APEH: variants seen among roughly 807,000 people sequenced by gnomAD.
APEH encodes the protein acylamino-acid-releasing enzyme.
APEH carries 75 observed loss-of-function variants against 102.7 expected under a neutral mutation model. The ratio of observed to expected loss-of-function variants is 0.73; its 90% CI spans 0.61 to 0.89. The LOEUF (loss-of-function observed/expected upper bound fraction) is 0.89, where lower values mean the gene tolerates loss of function less well. Ranked by LOEUF, APEH falls within the 40% of genes least tolerant of loss-of-function variation. The pLI is 0.00. For synonymous variants in APEH, 344 were observed against 362.7 expected (o/e 0.95, Z 0.59); for missense variants, 863 against 941.2 (o/e 0.92, Z 1.09).
At position 49,682,942 on chromosome 3, in the gene APEH, T is replaced by G. The variant is rs2053415410; in HGVS notation, c.1983T>G (p.Pro661=). ...MLDKSPIRYI[P]QVKTPLLLML... is the part of the protein sequence containing the mutation. The stretch of plus-strand genomic sequence containing the variant: ...ACAAATCGCCCATCAGATACATCCC[T>G]CAGGTATGCAGCCCCCTCCTTGCCC... The change falls in exon 20 of 22, where the codon CCT becomes CCG. Residue 661 remains proline (P), a synonymous_variant. Transcript: ENST00000296456. 1 of 1,613,642 alleles carries G rather than the reference T, an allele frequency of 6.2e-7. No individual in the cohort carries two copies. The highest frequency in any genetic ancestry group is 2.2e-5 in the East Asian group (1 of 44,874).
chr3:49,681,120 C>T lies in APEH; in HGVS notation c.1319C>T (p.Ser440Phe), dbSNP rs775583716. ...PPTLKVGFLP[S>F]AGKEQSVLWV... is the part of the protein sequence containing the mutation. ...TGGCAGAAAGTTGGGTTCCTGCCTT[C>T]TGCAGGGAAGGAGCAGTCAGTGTTG... The change falls in exon 15 of 22, where the codon TCT (serine) becomes TTT (phenylalanine). Residue 440 changes from serine (S) to phenylalanine (F), a missense_variant. Physicochemically the swap from Ser to Phe is radical, Grantham distance 155. Transcript: ENST00000296456. The T allele has an allele frequency of 1.9e-6, 3 of 1,595,168 alleles. No homozygotes were observed. Among genetic ancestry groups the T allele is most frequent in the Non-Finnish European group, 1.7e-6 (2 of 1,170,192 alleles).
In APEH at chr3:49,675,308, G is replaced by T; in HGVS notation, c.271G>T (p.Glu91Ter). The T allele has an allele frequency of 1.2e-6, 2 of 1,613,640 alleles. No homozygotes were observed. Among genetic ancestry groups the T allele is most frequent in the Non-Finnish European group, 1.7e-6 (2 of 1,179,828 alleles). Residue 91 changes from glutamate (E) to a stop codon, truncating the protein, a stop_gained and splice_region_variant, in exon 3 of 22, where the codon GAA becomes TAA. Transcript: ENST00000296456. LOFTEE classifies it high-confidence loss of function. The part of the protein sequence containing the change: ...PAGNSVETRG[E>*]LLSRESPSGT... ...AGGCAACAGTGTGGAGACCCGGGGG[G>T]AGTAAGTTTGAGGGAGGAAGCTTGT... is the stretch of plus-strand genomic sequence containing the variant.
Position 49,683,065 on chromosome 3 carries a change from T to C in APEH, c.2012T>C (p.Leu671Ser). 1 of 1,614,086 alleles carries C rather than the reference T, an allele frequency of 6.2e-7. No individual in the cohort carries two copies. Residue 671 changes from leucine (L) to serine (S), a missense_variant, in exon 21 of 22, where the codon TTG becomes TCG. Leu to Ser is a moderately radical substitution (Grantham distance 145, BLOSUM62 -2). Coordinates refer to ENST00000296456, the MANE Select transcript of APEH (RefSeq NM_001640.4). ...PQVKTPLLLM[L>S]GQEDRRVPFK... ...GTGAAGACACCACTGTTACTGATGT[T>C]GGGCCAGGAGGACCGGCGTGTGCCC...
At position 49,682,673 on chromosome 3, in the gene APEH, G is replaced by A. The variant is rs1294458238; in HGVS notation, c.1820G>A (p.Cys607Tyr). 1 of 1,614,000 alleles carries A rather than the reference G, an allele frequency of 6.2e-7. No individual in the cohort carries two copies. The highest frequency in any genetic ancestry group is 1.7e-5 in the Admixed American group (1 of 60,024). Residue 607 changes from cysteine to tyrosine, a missense_variant, in exon 19 of 22, where the codon TGC becomes TAC. By Grantham distance (194) the Cys-to-Tyr change is radical (BLOSUM62 -2). Transcript: ENST00000296456. ...CAGTACCCAGAGACCTACAGGGCCT[G>A]CGTGGCCCGGAACCCCGTGATCAAC... ...IGQYPETYRA[C>Y]VARNPVINIA...
chr3:49,678,514 T>C (rs984783528), intron 11 of APEH, among the ~76,000 whole-genome samples: 6 of 152,168 alleles, frequency 3.9e-5, no homozygotes, highest in African/African-American at 1.4e-4. Context: ...GACGGACAGA[T>C]GATATCTTGG....
At position 49,676,228 on chromosome 3, in the gene APEH, G is replaced by A. The variant is rs779408033; in HGVS notation, c.606+9G>A. The A allele has an allele frequency of 1.4e-5, 23 of 1,613,370 alleles. No homozygotes were observed. Among genetic ancestry groups the A allele is most frequent in the Non-Finnish European group, 1.9e-5 (23 of 1,179,688 alleles). On this transcript the variant is annotated intron_variant, in intron 6 of 21. Transcript: ENST00000296456. ...CAGACCAAGCCATCAAGGTGCTCGT[G>A]GTCAATCCACGAAGGCCCGGCAGGG... is the stretch of plus-strand genomic sequence containing the variant.
rs1483380880 is a variant in APEH at position 49,677,595 on chromosome 3, C to T, written c.1022C>T (p.Thr341Ile). The change falls in exon 11 of 22, where the codon ACC becomes ATC. Residue 341 changes from threonine (T) to isoleucine (I), a missense_variant. By Grantham distance (89) the Thr-to-Ile change is moderately conservative. Transcript: ENST00000296456. ...LCLYDWYTKV[T>I]SVVVDVVPRQ... ...CAGTATGACTGGTATACCAAGGTTA[C>T]CTCAGTGGTGGTAGATGTTGTGCCT... 1.2e-6 allele frequency: 2 copies of T among 1,613,868 alleles called. No individual in the cohort carries two copies. The highest frequency in any genetic ancestry group is 1.7e-6 in the Non-Finnish European group (2 of 1,179,896).
intron 11 of APEH, among the ~76,000 whole-genome samples, chr3:49,678,355 C>A (rs536770704): frequency 6.6e-6 from 1 of 152,294 alleles, no homozygotes; most frequent in East Asian, 1.9e-4. Context: ...GTCCTGGCCT[C>A]CCTGAGCTCC....
intron 17 of APEH, among the ~76,000 whole-genome samples, 170 bp from the exon 18 acceptor site, chr3:49,682,178 C>T (rs1451593443): frequency 2.0e-5 from 3 of 152,264 alleles, no homozygotes; most frequent in Non-Finnish European, 2.9e-5. Context: ...AAGGAAAGGG[C>T]GCTGTGGTCA....
Position 49,682,415 on chromosome 3 carries a change from C to T in APEH, c.1671C>T (p.His557=), listed in dbSNP as rs757130027. The T allele has an allele frequency of 1.9e-6, 3 of 1,614,048 alleles. No individual in the cohort carries two copies. ...SILSLPGNVG[H]QDVKDVQFAV... is the part of the protein sequence containing the mutation. ...TCTCCCTCCCAGGCAATGTGGGCCA[C>T]CAGGATGTGAAGGATGTCCAGGTAG... The change falls in exon 18 of 22, where the codon CAC becomes CAT. Residue 557 remains histidine (H), a synonymous_variant. Transcript: ENST00000296456.
upstream of APEH, chr3:49,674,343 GAA>G: frequency 6.5e-7 from 1 of 1,529,726 alleles, no homozygotes; most frequent in African/African-American, 1.4e-5. Context: ...TCCGCCCCCG[GAA>G]GCCTCACTTC....
rs1168758406 is a variant in APEH, at chr3:49,683,534, C to T, written c.*192C>T. On this transcript the variant is annotated 3_prime_UTR_variant, in exon 22 of 22. Coordinates refer to ENST00000296456, the MANE Select transcript of APEH (RefSeq NM_001640.4). ...GTTCCTGCTGGTACTTTGTACCAAA[C>T]CATCCCCAACCCCACCTCCCACTCT... 6 of 582,746 alleles carry T rather than the reference C, an allele frequency of 1.0e-5. No individual in the cohort carries two copies. The highest frequency in any genetic ancestry group is 1.9e-5 in the African/African-American group (1 of 53,450). The allele number at this position is 582,746 out of a possible 1,614,324, so 36.1% of individuals were successfully genotyped here. A position where few individuals can be genotyped will look rare whatever the true frequency, so the allele number is the denominator to read the frequency against.
At position 49,676,160 on chromosome 3, in the gene APEH, G is replaced by A; in HGVS notation, c.547G>A (p.Asp183Asn). 1 of 1,614,196 alleles carries A rather than the reference G, an allele frequency of 6.2e-7. No individual in the cohort carries two copies. Among genetic ancestry groups the A allele is most frequent in the African/African-American group, 1.3e-5 (1 of 75,072 alleles). Residue 183 changes from aspartate (D) to asparagine (N), a missense_variant, in exon 6 of 22, where the codon GAC becomes AAC. Coordinates refer to ENST00000296456, the MANE Select transcript of APEH (RefSeq NM_001640.4). ...AESFFQTKAL[D>N]VSASDDEIAR... is the part of the protein sequence containing the mutation. Reference sequence around the variant, plus strand: ...GTCCTTCTTTCAGACCAAAGCCTTGGACGTCAGTGCCAGCGATGATGAGAT... The same window carrying A: ...GTCCTTCTTTCAGACCAAAGCCTTGAACGTCAGTGCCAGCGATGATGAGAT...
intron 17 of APEH, 51 bp from the exon 18 acceptor site, chr3:49,682,297 G>C (rs1559640082): frequency 2.0e-6 from 3 of 1,521,946 alleles, no homozygotes; most frequent in Non-Finnish European, 2.7e-6. Context: ...GAGCGTCGAG[G>C]GGGCTGGGAA....
chr3:49,680,766 T>TGGTCCATGAGGGTTTGGCAC (rs2053282268), intron 14 of APEH, 137 bp downstream of exon 14: 2 of 819,816 alleles, frequency 2.4e-6, no homozygotes, highest in Non-Finnish European at 3.9e-6. Context: ...CAGCTTGGCA[T>TGGTCCATGAGGGTTTGGCAC]GGTCCATGAG....
rs1198956597 is a variant in APEH at position 49,676,699 on chromosome 3, A to G, written c.835A>G (p.Arg279Gly). 6.2e-7 allele frequency: 1 copy of G among 1,614,220 alleles called. No homozygotes were observed. Among genetic ancestry groups the G allele is most frequent in the African/African-American group, 1.3e-5 (1 of 75,060 alleles). ...GGGCATCCGCTTTTGCACCAATCGCAGGTGAGGGAGTGGGGCAAGGCAAGG... is the reference window on the plus strand; with the variant it reads ...GGGCATCCGCTTTTGCACCAATCGCGGGTGAGGGAGTGGGGCAAGGCAAGG... ...RLGIRFCTNRRSALYYVDLIG... is the reference protein window; with the variant it reads ...RLGIRFCTNRGSALYYVDLIG... The change falls in exon 8 of 22, where the codon AGG (arginine) becomes GGG (glycine). Residue 279 changes from arginine to glycine, a missense_variant and splice_region_variant. By Grantham distance (125) the Arg-to-Gly change is moderately radical. Coordinates refer to ENST00000296456, the MANE Select transcript of APEH (RefSeq NM_001640.4).
Position 49,676,108 on chromosome 3 carries a change from G to A in APEH, c.495G>A (p.Val165=). The A allele has an allele frequency of 6.2e-7, 1 of 1,614,234 alleles. No homozygotes were observed. Among genetic ancestry groups the A allele is most frequent in the South Asian group, 1.1e-5 (1 of 91,088 alleles). Residue 165 remains valine, a synonymous_variant, in exon 6 of 22, where the codon GTG becomes GTA. Coordinates refer to ENST00000296456, the MANE Select transcript of APEH (RefSeq NM_001640.4). ...WSHSETHLLY[V]AEKKRPKAES... is the part of the protein sequence containing the mutation. ...ACTCGGAGACACACTTGTTGTATGT[G>A]GCAGAGAAGAAGCGCCCCAAGGCCG...
At chr3:49,682,106 C>G (rs2053352876) in intron 17 of APEH, 139 bp downstream of exon 17, 1 of 1,029,778 alleles carries the variant, frequency 9.7e-7, no homozygotes, top group Non-Finnish European at 1.5e-6. Flanking sequence ...CTACCAGGAA[C>G]TGCTGGGGCC....
At chr3:49,680,447 C>A (rs2053266201) in intron 13 of APEH, 94 bp from the exon 14 acceptor site, 11 of 1,179,162 alleles carry the variant, frequency 9.3e-6, no homozygotes, top group Non-Finnish European at 1.4e-5. Flanking sequence ...GGGCACCTTT[C>A]CATAGAGTCT....
Sources: allele counts gnomAD v4.1 joint callset (sites outside exome capture counted in the v4.1 genomes callset), GRCh38; gene constraint gnomAD v4.1.1; transcripts MANE v1.5; gene names NCBI Gene and HGNC (gene_info 2026-07-23, HGNC 2026-07-21).